Variants in RASGRF2 observed in about 807,000 individuals in gnomAD.
The protein encoded by RASGRF2 is ras-specific guanine nucleotide-releasing factor 2.
Under a neutral mutation model 151.0 loss-of-function variants are expected in RASGRF2, and 76 were observed. That is an observed-to-expected ratio of 0.50 (90% CI 0.42 to 0.61). The LOEUF (loss-of-function observed/expected upper bound fraction) is 0.61. RASGRF2 is among the 20% of genes least tolerant of loss of function. The pLI is 0.00. For missense variants in RASGRF2, 1,148 were observed against 1,564.6 expected, an observed-to-expected ratio of 0.73 and a Z score of 4.49; for synonymous variants, 504 against 566.5, an observed-to-expected ratio of 0.89 and a Z score of 1.57.
intron 5 of RASGRF2, among the ~76,000 whole-genome samples, chr5:81,073,705 G>T (rs1411480891): frequency 6.6e-6 from 1 of 151,928 alleles, no homozygotes; most frequent in Admixed American, 6.6e-5. Flanking sequence ...TGCCAGCTCC[G>T]CCTCCCGGGT....
chr5:80,970,060 G>T (rs530443196), intron 1 of RASGRF2, among the ~76,000 whole-genome samples: 2 of 148,782 alleles, frequency 1.3e-5, no homozygotes, highest in East Asian at 4.1e-4. Context: ...CCTAACCTCA[G>T]GTGATCTGCC....
At position 81,225,935 on chromosome 5, in the gene RASGRF2, T is replaced by G. The variant is rs562584338; in HGVS notation, c.*165T>G. ...TGTCTCCAGAGAGAAACCCAGCTGT[T>G]TGGGTCAAAGACAGATGCTTCAGAC... On this transcript the variant is annotated 3_prime_UTR_variant, in exon 27 of 27. Transcript: ENST00000265080. The G allele has an allele frequency of 1.4e-6, 1 of 725,504 alleles. No individual in the cohort carries two copies. Among genetic ancestry groups the G allele is most frequent in the Non-Finnish European group, 2.0e-6 (1 of 490,768 alleles). 44.9% of individuals were successfully genotyped at this position (725,504 alleles called of 1,614,324 possible). A position where few individuals can be genotyped will look rare whatever the true frequency, so the allele number is the denominator to read the frequency against.
chr5:81,065,952 A>G (rs1304377476), intron 2 of RASGRF2, among the ~76,000 whole-genome samples: 1 of 152,158 alleles, frequency 6.6e-6, no homozygotes, highest in Non-Finnish European at 1.5e-5. Context: ...GACGTTGGTG[A>G]TGAGTCTGTG....
At chr5:81,209,624 G>A (rs914717676) in intron 22 of RASGRF2, among the ~76,000 whole-genome samples, 3 of 152,124 alleles carry the variant, frequency 2.0e-5, no homozygotes, top group Admixed American at 2.0e-4. Flanking sequence ...AAAGGACAAG[G>A]GCATGGCCCA....
chr5:81,103,625 A>C (rs143361835), intron 12 of RASGRF2, among the ~76,000 whole-genome samples: 17 of 152,294 alleles, frequency 1.1e-4, no homozygotes, highest in African/African-American at 3.8e-4. Context: ...CAAGCTGCAT[A>C]AACTCAGATA....
At chr5:81,034,646 G>A (rs1161307363) in intron 1 of RASGRF2, among the ~76,000 whole-genome samples, 5 of 151,580 alleles carry the variant, frequency 3.3e-5, no homozygotes, top group East Asian at 1.9e-4. Context: ...CATGTCCTTT[G>A]TAGGGACATG....
chr5:81,086,150 A>C (rs1347797935), intron 8 of RASGRF2, among the ~76,000 whole-genome samples: 1 of 152,138 alleles, frequency 6.6e-6, no homozygotes, highest in Non-Finnish European at 1.5e-5. Context: ...TATGTAATTC[A>C]GATTAGGTGT....
chr5:81,047,513 C>A (rs1041151724), intron 2 of RASGRF2, among the ~76,000 whole-genome samples: 1 of 152,232 alleles, frequency 6.6e-6, no homozygotes, highest in East Asian at 1.9e-4. Flanking sequence ...CTGCTCAAAT[C>A]TCCACCTCGA....
At chr5:81,000,608 T>C (rs1749048353) in intron 1 of RASGRF2, among the ~76,000 whole-genome samples, 1 of 152,190 alleles carries the variant, frequency 6.6e-6, no homozygotes, top group Non-Finnish European at 1.5e-5. Flanking sequence ...TTAACAATAA[T>C]TTATGTTTTT....
chr5:81,037,963 C>T (rs1321850775), intron 1 of RASGRF2, among the ~76,000 whole-genome samples: 1 of 152,052 alleles, frequency 6.6e-6, no homozygotes, highest in Non-Finnish European at 1.5e-5. Flanking sequence ...AGTTTTAAGC[C>T]TTATGGAAAT....
intron 1 of RASGRF2, among the ~76,000 whole-genome samples, chr5:81,012,240 C>T (rs1336968554): frequency 3.0e-4 from 46 of 152,070 alleles, no homozygotes; most frequent in Admixed American, 3.0e-3. Context: ...ACCTTATTTA[C>T]TTGGGTATGA....
At chr5:81,034,907 C>T (rs777081054) in intron 1 of RASGRF2, among the ~76,000 whole-genome samples, 2 of 151,660 alleles carry the variant, frequency 1.3e-5, no homozygotes, top group Admixed American at 6.6e-5. Context: ...TGTAACAAAC[C>T]TGCACATTGT....
rs1747514627 is a variant in RASGRF2 at position 80,960,686 on chromosome 5, CGCGAGGCAGGGGTGAGACCG to C, written c.-49_-30del. ...TCGAGGGAGCCAGCTGGGCCATGGC[CGCGAGGCAGGGGTGAGACCG>C]GCGGCCACCCGTGAGCCCTCCGCAC... On this transcript the variant is annotated 5_prime_UTR_variant, in exon 1 of 27. An upstream open reading frame in the 5' UTR loses its in-frame stop. Coordinates refer to ENST00000265080, the MANE Select transcript of RASGRF2 (RefSeq NM_006909.3). The surrounding 1 kb of genome is among the most constrained non-coding windows in gnomAD (Gnocchi z 5.5). The C allele has an allele frequency of 2.2e-6, 3 of 1,383,474 alleles. No homozygotes were observed. The highest frequency in any genetic ancestry group is 1.5e-5 in the African/African-American group (1 of 67,990). The allele number at this position is 1,383,474 out of a possible 1,614,324, so 85.7% of individuals were successfully genotyped here. A position where few individuals can be genotyped will look rare whatever the true frequency, so the allele number is the denominator to read the frequency against.
chr5:80,962,600 A>G (rs947494024), intron 1 of RASGRF2, among the ~76,000 whole-genome samples: 1 of 151,716 alleles, frequency 6.6e-6, no homozygotes, highest in Non-Finnish European at 1.5e-5. Flanking sequence ...ATATAAGATA[A>G]CCACTTTTGA....
At chr5:81,061,220 C>G (rs1751421772) in intron 2 of RASGRF2, among the ~76,000 whole-genome samples, 1 of 151,550 alleles carries the variant, frequency 6.6e-6, no homozygotes, top group Admixed American at 6.6e-5. Flanking sequence ...TCTCCATTTT[C>G]TTATATTTGT....
intron 17 of RASGRF2, among the ~76,000 whole-genome samples, chr5:81,175,163 A>C (rs897429605): frequency 1.3e-5 from 2 of 152,184 alleles, no homozygotes; most frequent in Admixed American, 6.5e-5. Flanking sequence ...AATTGGGATA[A>C]CAATGTTTAA....
chr5:80,976,548 TG>T, intron 1 of RASGRF2, among the ~76,000 whole-genome samples: 1 of 152,224 alleles, frequency 6.6e-6, no homozygotes, highest in East Asian at 1.9e-4. Context: ...CTCTATGTGC[TG>T]GGTTCTGTGC....
chr5:80,983,865 A>G (rs1748391046), intron 1 of RASGRF2, among the ~76,000 whole-genome samples: 1 of 152,186 alleles, frequency 6.6e-6, no homozygotes, highest in South Asian at 2.1e-4. Context: ...ATTAAAGTTA[A>G]TTTTACTTAT....
At chr5:81,118,944 C>G (rs1268417296) in intron 15 of RASGRF2, among the ~76,000 whole-genome samples, 3 of 152,174 alleles carry the variant, frequency 2.0e-5, no homozygotes, top group Non-Finnish European at 4.4e-5. Flanking sequence ...CCATTTCCAT[C>G]TGAGACCTCA....
Sources: allele counts gnomAD v4.1 joint callset (sites outside exome capture counted in the v4.1 genomes callset), GRCh38; gene constraint gnomAD v4.1.1; non-coding constraint Gnocchi (gnomAD v3.1); transcripts MANE v1.5; gene names NCBI Gene and HGNC (gene_info 2026-07-23, HGNC 2026-07-21).